AGTPBP1: variants seen among roughly 807,000 people sequenced by gnomAD.
The protein encoded by AGTPBP1 is ATP/GTP binding carboxypeptidase 1.
In AGTPBP1, 70 loss-of-function variants were observed where a neutral mutation model predicts 143.9. The observed-to-expected ratio is 0.49, with a 90% CI of 0.40 to 0.59. The LOEUF (loss-of-function observed/expected upper bound fraction) is 0.59. AGTPBP1 is among the 20% of genes least tolerant of loss of function. The probability of loss-of-function intolerance (pLI) is 0.00; values close to 1 mark genes in which losing one functional copy is unlikely to be tolerated. For synonymous variants in AGTPBP1, 463 were observed against 500.2 expected, an observed-to-expected ratio of 0.93 and a Z score of 0.99; for missense variants, 1,229 against 1,464.5, an observed-to-expected ratio of 0.84 and a Z score of 2.62.
At chr9:85,614,429 A>C (rs527362291) in intron 17 of AGTPBP1, among the ~76,000 whole-genome samples, 4 of 152,200 alleles carry the variant, frequency 2.6e-5, no homozygotes, top group African/African-American at 9.6e-5. Flanking sequence ...CAGAAATATA[A>C]AACAATAAGA....
chr9:85,730,517 C>T (rs1280914649), intron 1 of AGTPBP1, among the ~76,000 whole-genome samples: 2 of 152,268 alleles, frequency 1.3e-5, no homozygotes, highest in East Asian at 3.9e-4. Flanking sequence ...CACCAGGCTC[C>T]TCAGTGTGTG....
intron 10 of AGTPBP1, among the ~76,000 whole-genome samples, chr9:85,656,747 T>C (rs1304174026): frequency 6.6e-6 from 1 of 152,156 alleles, no homozygotes; most frequent in East Asian, 1.9e-4. Context: ...CATTCCCAGT[T>C]CCAGGTTTCA....
At chr9:85,585,635 C>T in intron 22 of AGTPBP1, 41 bp from the exon 23 acceptor site, 1 of 1,490,726 alleles carries the variant, frequency 6.7e-7, no homozygotes, top group Non-Finnish European at 9.0e-7. Flanking sequence ...ACTTCAAGTT[C>T]ATATGTTGCT....
chr9:85,800,167 G>C, the AGTPBP1 span, among the ~76,000 whole-genome samples: 1 of 152,204 alleles, frequency 6.6e-6, no homozygotes, highest in African/African-American at 2.4e-5. Flanking sequence ...TGGTGCCTAA[G>C]AGAGCTCTGA....
chr9:85,610,324 T>G (rs1376341551), intron 17 of AGTPBP1, among the ~76,000 whole-genome samples: 2 of 152,034 alleles, frequency 1.3e-5, no homozygotes, highest in African/African-American at 4.8e-5. Context: ...GAGGGGGTGA[T>G]GGATTGAAAC....
At chr9:85,672,828 A>G in intron 6 of AGTPBP1, 147 bp from the exon 7 acceptor site, 1 of 534,222 alleles carries the variant, frequency 1.9e-6, no homozygotes, top group South Asian at 2.7e-5. Context: ...TCTGGCTCCC[A>G]GGTTGAAGCA....
At chr9:85,673,360 G>C (rs377145691) in intron 6 of AGTPBP1, among the ~76,000 whole-genome samples, 2 of 151,748 alleles carry the variant, frequency 1.3e-5, no homozygotes, top group African/African-American at 4.8e-5. Flanking sequence ...CACCAACACA[G>C]AGTTAAAAGG....
intron 13 of AGTPBP1, among the ~76,000 whole-genome samples, chr9:85,638,248 T>C (rs1194149220): frequency 6.6e-6 from 1 of 152,146 alleles, no homozygotes. Flanking sequence ...TTGATAAATA[T>C]GTTGGAAAAT....
chr9:85,739,067 C>A (rs1052761557), intron 1 of AGTPBP1, among the ~76,000 whole-genome samples: 1 of 151,724 alleles, frequency 6.6e-6, no homozygotes, highest in African/African-American at 2.4e-5. Flanking sequence ...ACAAAAAGGA[C>A]AAATAACTTG....
chr9:85,549,703 G>A (rs1028409532), intron 25 of AGTPBP1, among the ~76,000 whole-genome samples: 8 of 152,188 alleles, frequency 5.3e-5, no homozygotes, highest in African/African-American at 1.9e-4. Context: ...AGGAATCTTA[G>A]AGCAATGTTG....
At chr9:85,728,784 A>G (rs562102261) in intron 1 of AGTPBP1, among the ~76,000 whole-genome samples, 1 of 152,250 alleles carries the variant, frequency 6.6e-6, no homozygotes, top group African/African-American at 2.4e-5. Flanking sequence ...AGAAAAAAAA[A>G]AAAAGTTGGC....
chr9:85,600,968 C>A (rs1295150092), intron 17 of AGTPBP1, among the ~76,000 whole-genome samples: 1 of 152,188 alleles, frequency 6.6e-6, no homozygotes, highest in Non-Finnish European at 1.5e-5. Flanking sequence ...GGTCCCCTAC[C>A]CACAGCCACC....
the AGTPBP1 span, among the ~76,000 whole-genome samples, chr9:85,749,162 T>C: frequency 1.8e-4 from 28 of 151,984 alleles, no homozygotes; most frequent in African/African-American, 6.5e-4. Flanking sequence ...ACCTCACACA[T>C]TTTTTAATTT....
the AGTPBP1 span, among the ~76,000 whole-genome samples, chr9:85,767,298 C>A: frequency 6.7e-6 from 1 of 149,508 alleles, no homozygotes; most frequent in Non-Finnish European, 1.5e-5. Flanking sequence ...TCTCCTGCCT[C>A]AGCCTCCTGA....
chr9:85,745,574 G>A (rs571334211), upstream of AGTPBP1, among the ~76,000 whole-genome samples: 11 of 152,280 alleles, frequency 7.2e-5, no homozygotes, highest in South Asian at 2.1e-4. Context: ...AAATGAATGC[G>A]GCAAAACTGG....
At chr9:85,636,295 C>T (rs1832042847) in intron 13 of AGTPBP1, among the ~76,000 whole-genome samples, 1 of 138,926 alleles carries the variant, frequency 7.2e-6, no homozygotes, top group Non-Finnish European at 1.5e-5. Context: ...GGGAGTCTCG[C>T]TCTGTCTCCA....
chr9:85,646,438 A>G lies in AGTPBP1; in HGVS notation c.1088-20T>C, dbSNP rs763227169. The G allele has an allele frequency of 1.3e-5, 21 of 1,588,646 alleles. No individual in the cohort carries two copies. Among genetic ancestry groups the G allele is most frequent in the South Asian group, 3.3e-5 (3 of 90,542 alleles). On this transcript the variant is annotated intron_variant, in intron 11 of 25. Coordinates refer to ENST00000357081, the MANE Select transcript of AGTPBP1 (RefSeq NM_001330701.2). ...CATCCACTATGATACAAAATGTGCTATAAGTAGGTCAGAGGTAAGCATTCT... is the reference window on the plus strand; with the variant it reads ...CATCCACTATGATACAAAATGTGCTGTAAGTAGGTCAGAGGTAAGCATTCT...
At chr9:85,611,116 TA>T (rs1770529048) in intron 17 of AGTPBP1, among the ~76,000 whole-genome samples, 1 of 150,184 alleles carries the variant, frequency 6.7e-6, no homozygotes, top group Non-Finnish European at 1.5e-5. Flanking sequence ...CAATGCAGAA[TA>T]TGCCTCGTGA....
Position 85,606,120 on chromosome 9 carries a change from C to T in AGTPBP1, c.2336-9671G>A, listed in dbSNP as rs561827462. ...TCAACAGGGTGAAGAAACAACCTGT[C>T]GAATGGGAGAAAATATTTACAATCT... On this transcript the variant is annotated intron_variant, in intron 17 of 25. Transcript: ENST00000357081. Among the ~76,000 whole-genome samples the T allele has an allele frequency of 1.1e-3, 165 of 151,820 alleles. 1 individual carries two copies. In the South Asian group the frequency reaches 0.033, roughly 31 times the overall value.
Sources: allele counts gnomAD v4.1 joint callset (sites outside exome capture counted in the v4.1 genomes callset), GRCh38; gene constraint gnomAD v4.1.1; transcripts MANE v1.5; gene names NCBI Gene and HGNC (gene_info 2026-07-23, HGNC 2026-07-21).